The following ADNP variants were observed in gnomAD, a reference collection of about 807,000 sequenced individuals.
ADNP encodes the protein activity-dependent neuroprotector homeobox protein.
Under a neutral mutation model 84.9 loss-of-function variants are expected in ADNP, and 4 were observed. The ratio of observed to expected loss-of-function variants is 0.05; its 90% CI spans 0.02 to 0.11. The LOEUF (loss-of-function observed/expected upper bound fraction) is 0.11. Ranked by LOEUF, ADNP falls within the 10% of genes least tolerant of loss-of-function variation. The probability of loss-of-function intolerance (pLI) is 1.00; values close to 1 mark genes in which losing one functional copy is unlikely to be tolerated. For missense variants in ADNP, 1,132 were observed against 1,326.0 expected (o/e 0.85, Z 2.27); for synonymous variants, 554 against 468.1 (o/e 1.18, Z -2.37).
chr20:50,906,522 G>C (rs1982490036), intron 2 of ADNP, among the ~76,000 whole-genome samples: 1 of 152,148 alleles, frequency 6.6e-6, no homozygotes, highest in East Asian at 1.9e-4. Context: ...TGGATGAGTG[G>C]CTCAACAATC....
chr20:50,930,451 G>A (rs1984627012), intron 1 of ADNP, among the ~76,000 whole-genome samples: 1 of 105,488 alleles, frequency 9.5e-6, no homozygotes, highest in Non-Finnish European at 1.9e-5. Context: ...TCCTTTTGGG[G>A]GTGGGGGGCG....
chr20:50,902,591 A>C (rs1425992302), intron 4 of ADNP, among the ~76,000 whole-genome samples: 1 of 152,212 alleles, frequency 6.6e-6, no homozygotes, highest in East Asian at 1.9e-4. Context: ...AGGCAGAAAG[A>C]AAGCTATTCA....
At chr20:50,921,950 G>A (rs1380075926) in intron 2 of ADNP, among the ~76,000 whole-genome samples, 1 of 152,144 alleles carries the variant, frequency 6.6e-6, no homozygotes, top group African/African-American at 2.4e-5. Context: ...TTGCAGCAAG[G>A]CAGGGACACA....
chr20:50,918,654 C>T (rs1165602136), intron 2 of ADNP, among the ~76,000 whole-genome samples: 1 of 152,166 alleles, frequency 6.6e-6, no homozygotes, highest in Non-Finnish European at 1.5e-5. Context: ...GTGAGACGTT[C>T]AACTACCTTG....
chr20:50,894,585 G>C, intron 5 of ADNP, 73 bp from the exon 6 acceptor site: 1 of 1,469,424 alleles, frequency 6.8e-7, no homozygotes, highest in Non-Finnish European at 9.1e-7. Context: ...GATCCCCCCC[G>C]GATATTCTTA....
chr20:50,890,411 AC>A lies in ADNP; in HGVS notation c.*993del, dbSNP rs1286468080. The A allele has an allele frequency of 2.6e-5, 4 of 152,484 alleles. No homozygotes were observed. The highest frequency in any genetic ancestry group is 6.5e-5 in the Admixed American group (1 of 15,308). 9.4% of individuals were successfully genotyped at this position (152,484 alleles called of 1,614,324 possible). ...TGAATACAAAGGGAAAATAAAGATC[AC>A]AAAATTATACATACTACAACAGTGT... On this transcript the variant is annotated 3_prime_UTR_variant, in exon 6 of 6. Transcript: ENST00000621696.
chr20:50,895,914 T>C (rs1981340832), intron 5 of ADNP, among the ~76,000 whole-genome samples: 1 of 152,194 alleles, frequency 6.6e-6, no homozygotes, highest in African/African-American at 2.4e-5. Context: ...TCTTTTGTAG[T>C]AATACTTAGC....
At chr20:50,912,238 C>T (rs1051599745) in intron 2 of ADNP, among the ~76,000 whole-genome samples, 1 of 152,160 alleles carries the variant, frequency 6.6e-6, no homozygotes. Flanking sequence ...CCTCTGCCTC[C>T]CAGGTTCCAG....
In ADNP at chr20:50,892,965, G is replaced by C; in HGVS notation, c.1749C>G (p.Ala583=). ...DAPAESVAYH[A]QNNPPVPPKP... is the part of the protein sequence containing the mutation. Reference sequence around the variant, plus strand: ...TTGGAGGAACTGGAGGATTATTTTGGGCATGGTAAGCAACAGATTCAGCTG... The same window carrying C: ...TTGGAGGAACTGGAGGATTATTTTGCGCATGGTAAGCAACAGATTCAGCTG... Residue 583 remains alanine (A), a synonymous_variant, in exon 6 of 6, where the codon GCC becomes GCG. Coordinates refer to ENST00000621696, the MANE Select transcript of ADNP (RefSeq NM_001282531.3). 1 of 1,614,118 alleles carries C rather than the reference G, an allele frequency of 6.2e-7. No individual in the cohort carries two copies. Among genetic ancestry groups the C allele is most frequent in the South Asian group, 1.1e-5 (1 of 91,076 alleles).
At chr20:50,914,550 T>C (rs1983356608) in intron 2 of ADNP, 2 of 227,788 alleles carry the variant, frequency 8.8e-6, no homozygotes, top group Admixed American at 5.7e-5. Context: ...CTGAGGTTCT[T>C]ATTCTAAACT....
intron 2 of ADNP, among the ~76,000 whole-genome samples, chr20:50,911,221 A>C (rs1375024777): frequency 6.6e-6 from 1 of 152,242 alleles, no homozygotes; most frequent in African/African-American, 2.4e-5. Flanking sequence ...TTTCAGTTTA[A>C]GTCCCATCTA....
chr20:50,910,708 G>A (rs1191771920), intron 2 of ADNP, among the ~76,000 whole-genome samples: 4 of 152,170 alleles, frequency 2.6e-5, no homozygotes, highest in African/African-American at 9.7e-5. Context: ...AGGCTGGAGT[G>A]CAGTGGTATG....
intron 2 of ADNP, among the ~76,000 whole-genome samples, chr20:50,926,212 A>G (rs1984281108): frequency 6.6e-6 from 1 of 152,232 alleles, no homozygotes; most frequent in Non-Finnish European, 1.5e-5. Context: ...ATTTACACAT[A>G]GGGGAGCAAT....
At position 50,891,844 on chromosome 20, in the gene ADNP, A is replaced by G. The variant is rs1398914814; in HGVS notation, c.2870T>C (p.Val957Ala). 1.2e-6 allele frequency: 2 copies of G among 1,614,162 alleles called. No individual in the cohort carries two copies. Among genetic ancestry groups the G allele is most frequent in the Non-Finnish European group, 8.5e-7 (1 of 1,180,024 alleles). Residue 957 changes from valine to alanine, a missense_variant, in exon 6 of 6, where the codon GTT becomes GCT. Val to Ala is a moderately conservative substitution (Grantham distance 64, BLOSUM62 0). Coordinates refer to ENST00000621696, the MANE Select transcript of ADNP (RefSeq NM_001282531.3). ...CCACTCAACAACATCGTCTTGGTCAACCTCACTATCAGATGCATTGTGCAT... is the reference window on the plus strand; with the variant it reads ...CCACTCAACAACATCGTCTTGGTCAGCCTCACTATCAGATGCATTGTGCAT... ...KLMHNASDSE[V>A]DQDDVVEWKD... is the part of the protein sequence containing the mutation.
chr20:50,906,710 C>T (rs990377083), intron 2 of ADNP, among the ~76,000 whole-genome samples: 27 of 152,142 alleles, frequency 1.8e-4, no homozygotes, highest in African/African-American at 5.6e-4. Flanking sequence ...ATCTCACTGC[C>T]TGGTAGGTAT....
At chr20:50,909,147 G>C (rs918130304) in intron 2 of ADNP, among the ~76,000 whole-genome samples, 3 of 151,288 alleles carry the variant, frequency 2.0e-5, no homozygotes, top group Non-Finnish European at 2.9e-5. Flanking sequence ...GAGGCGGGCG[G>C]AACACCTGAG....
chr20:50,914,406 T>G, intron 2 of ADNP: 1 of 529,536 alleles, frequency 1.9e-6, no homozygotes, highest in East Asian at 3.4e-5. Context: ...TTAAACAGCT[T>G]GGATTTCTTC....
intron 2 of ADNP, among the ~76,000 whole-genome samples, chr20:50,919,082 AATT>A (rs150762969): frequency 2.5e-3 from 374 of 152,152 alleles, no homozygotes; most frequent in African/African-American, 8.5e-3. Flanking sequence ...TATGTCTACA[AATT>A]ATTATCATTA....
Position 50,890,031 on chromosome 20 carries a change from T to C in ADNP, c.*1374A>G, listed in dbSNP as rs1170459841. 1.7e-5 allele frequency: 6 copies of C among 344,956 alleles called. No individual in the cohort carries two copies. Among genetic ancestry groups the C allele is most frequent in the Non-Finnish European group, 2.9e-5 (6 of 208,828 alleles). The allele number at this position is 344,956 out of a possible 1,614,324, so 21.4% of individuals were successfully genotyped here. On this transcript the variant is annotated 3_prime_UTR_variant, in exon 6 of 6. Coordinates refer to ENST00000621696, the MANE Select transcript of ADNP (RefSeq NM_001282531.3). The stretch of plus-strand genomic sequence containing the variant: ...TTGCAAATTAATGCCAATCCATGTT[T>C]ACATTTTTTTTTTTATCATTGAGAC...
Sources: allele counts gnomAD v4.1 joint callset (sites outside exome capture counted in the v4.1 genomes callset), GRCh38; gene constraint gnomAD v4.1.1; transcripts MANE v1.5; gene names NCBI Gene and HGNC (gene_info 2026-07-23, HGNC 2026-07-21).